Variants in SESTD1 observed in about 807,000 individuals in gnomAD.
SESTD1 encodes the protein SEC14 domain and spectrin repeat-containing protein 1.
In SESTD1, 43 loss-of-function variants were observed where a neutral mutation model predicts 101.7. The observed-to-expected ratio is 0.42, with a 90% confidence interval of 0.33 to 0.55. The LOEUF (loss-of-function observed/expected upper bound fraction) is 0.55. SESTD1 is among the 20% of genes least tolerant of loss of function. SESTD1 has a pLI of 0.07. For missense variants in SESTD1, 647 were observed against 815.1 expected (o/e 0.79, Z 2.51); for synonymous variants, 283 against 286.8 (o/e 0.99, Z 0.13).
intron 5 of SESTD1, among the ~76,000 whole-genome samples, chr2:179,159,685 G>A (rs944919279): frequency 6.6e-6 from 1 of 152,170 alleles, no homozygotes; most frequent in Admixed American, 6.5e-5. Context: ...ATACTGGTAG[G>A]GCTTCCTATA....
chr2:179,168,404 A>G (rs574549404), intron 5 of SESTD1, among the ~76,000 whole-genome samples: 2 of 152,352 alleles, frequency 1.3e-5, no homozygotes, highest in Non-Finnish European at 2.9e-5. Flanking sequence ...GTAGGCTATT[A>G]GCATTTAAGT....
chr2:179,195,636 T>C (rs1486827333), intron 1 of SESTD1, among the ~76,000 whole-genome samples: 1 of 152,236 alleles, frequency 6.6e-6, no homozygotes. Flanking sequence ...TTCTACAGTA[T>C]GTAAATTACC....
chr2:179,174,410 C>T (rs2045975175), intron 4 of SESTD1: 2 of 464,516 alleles, frequency 4.3e-6, no homozygotes, highest in Non-Finnish European at 8.9e-6. Context: ...TTCTTCAAAA[C>T]TGCCACTGAT....
At chr2:179,192,989 ACT>A (rs2046339914) in intron 1 of SESTD1, among the ~76,000 whole-genome samples, 2 of 152,050 alleles carry the variant, frequency 1.3e-5, no homozygotes, top group Admixed American at 1.3e-4. Context: ...AGAAAATATG[ACT>A]CTTTGTATGA....
intron 5 of SESTD1, among the ~76,000 whole-genome samples, chr2:179,156,485 C>T (rs1054164581): frequency 7.2e-5 from 11 of 152,088 alleles, no homozygotes; most frequent in Non-Finnish European, 2.9e-5. Flanking sequence ...ACGGCATTCA[C>T]GCCAACATCT....
At chr2:179,187,750 T>C (rs2046255368) in intron 2 of SESTD1, among the ~76,000 whole-genome samples, 1 of 151,782 alleles carries the variant, frequency 6.6e-6, no homozygotes, top group African/African-American at 2.4e-5. Flanking sequence ...ATTACACATA[T>C]ACAAAACAAA....
At chr2:179,112,936 AAAAG>A in intron 16 of SESTD1, 91 bp from the exon 17 acceptor site, 3 of 1,452,964 alleles carry the variant, frequency 2.1e-6, no homozygotes, top group Non-Finnish European at 2.7e-6. Context: ...AAAAAGAGAG[AAAAG>A]AAAGACACAG....
intron 1 of SESTD1, among the ~76,000 whole-genome samples, chr2:179,248,896 C>T (rs1471529320): frequency 7.4e-5 from 11 of 148,118 alleles, no homozygotes; most frequent in Non-Finnish European, 1.0e-4. Context: ...ACCTGGTCAA[C>T]GTAGGGAAAC....
At chr2:179,194,962 C>T (rs1255523921) in intron 1 of SESTD1, among the ~76,000 whole-genome samples, 4 of 152,210 alleles carry the variant, frequency 2.6e-5, no homozygotes, top group African/African-American at 4.8e-5. Context: ...TTGCTGGACA[C>T]AGCCTTCAAG....
intron 16 of SESTD1, among the ~76,000 whole-genome samples, chr2:179,114,605 A>G (rs2044586585): frequency 6.6e-6 from 1 of 151,962 alleles, no homozygotes; most frequent in Admixed American, 6.5e-5. Flanking sequence ...GAACACATAT[A>G]AAAAAGCATT....
chr2:179,263,158 T>C (rs756807036), intron 1 of SESTD1, among the ~76,000 whole-genome samples: 1 of 152,228 alleles, frequency 6.6e-6, no homozygotes, highest in Non-Finnish European at 1.5e-5. Flanking sequence ...AAATGCTTTC[T>C]AGGTCCTTGG....
intron 2 of SESTD1, among the ~76,000 whole-genome samples, chr2:179,183,842 G>A (rs2046161322): frequency 1.4e-5 from 2 of 145,746 alleles, no homozygotes; most frequent in African/African-American, 5.0e-5. Flanking sequence ...AGGAGAGAGA[G>A]AGAGAGAGAG....
At chr2:179,120,086 G>A (rs528527337) in intron 13 of SESTD1, among the ~76,000 whole-genome samples, 40 of 152,068 alleles carry the variant, frequency 2.6e-4, no homozygotes, top group African/African-American at 8.2e-4. Context: ...AAAATTAGCC[G>A]GGTGCAGTGG....
rs1278291532 is a variant in SESTD1, at chr2:179,112,761, A to G, written c.1924T>C (p.Leu642=). 8 of 1,613,216 alleles carry G rather than the reference A, an allele frequency of 5.0e-6. No homozygotes were observed. The highest frequency in any genetic ancestry group is 6.8e-6 in the Non-Finnish European group (8 of 1,179,968). Residue 642 remains leucine, a synonymous_variant, in exon 17 of 18, where the codon TTG becomes CTG. Transcript: ENST00000428443. ...ACTACTGGAACAGTTAATCTATCCA[A>G]AAGTGATTTCCCAACTGCTTCAATT... ...DEIEAVGKSL[L]DRLTVPVVYP...
intron 3 of SESTD1, among the ~76,000 whole-genome samples, chr2:179,179,499 A>G (rs1282343986): frequency 1.3e-5 from 2 of 152,208 alleles, no homozygotes; most frequent in East Asian, 1.9e-4. Flanking sequence ...TTTGATTACA[A>G]CTAAAGGCTC....
chr2:179,153,610 C>T (rs944705826), intron 5 of SESTD1, among the ~76,000 whole-genome samples: 3 of 152,102 alleles, frequency 2.0e-5, no homozygotes, highest in African/African-American at 7.2e-5. Context: ...AGCATCCAGA[C>T]TGTGATCTCT....
intron 5 of SESTD1, among the ~76,000 whole-genome samples, chr2:179,153,680 T>C (rs1008542931): frequency 1.3e-5 from 2 of 152,014 alleles, no homozygotes; most frequent in African/African-American, 2.4e-5. Flanking sequence ...GTCAAAAAAA[T>C]AATAATTTTA....
rs186289788 is a variant in SESTD1 at position 179,196,198 on chromosome 2, T to C, written c.-25-4332A>G. 3.7e-3 allele frequency among the ~76,000 whole-genome samples: 567 copies of C among 152,328 alleles called. 6 individuals are homozygous for C. Among genetic ancestry groups the C allele is most frequent in the African/African-American group, 0.013 (534 of 41,584 alleles). On this transcript the variant is annotated intron_variant, in intron 1 of 17. Coordinates refer to ENST00000428443, the MANE Select transcript of SESTD1 (RefSeq NM_178123.5). ...CCTAGTCAAAGAACGGGGTGACAGATGGCACCTGGAAAATTGGGTCACTCC... is the reference window on the plus strand; with the variant it reads ...CCTAGTCAAAGAACGGGGTGACAGACGGCACCTGGAAAATTGGGTCACTCC...
rs1456132672 is a variant in SESTD1 at position 179,102,631 on chromosome 2, C to G, written c.*7268G>C. 3 of 151,940 alleles carry G rather than the reference C, an allele frequency of 2.0e-5. No homozygotes were observed. The highest frequency in any genetic ancestry group is 2.9e-5 in the Non-Finnish European group (2 of 67,994). 9.4% of individuals were successfully genotyped at this position (151,940 alleles called of 1,614,324 possible). A position where few individuals can be genotyped will look rare whatever the true frequency, so the allele number is the denominator to read the frequency against. ...ATTTTAATAGGAAAAATCGAATAAA[C>G]CATACATATTTTTGAAAATGAGCAT... On this transcript the variant is annotated 3_prime_UTR_variant, in exon 18 of 18. Transcript: ENST00000428443.
Sources: allele counts gnomAD v4.1 joint callset (sites outside exome capture counted in the v4.1 genomes callset), GRCh38; gene constraint gnomAD v4.1.1; transcripts MANE v1.5; gene names NCBI Gene and HGNC (gene_info 2026-07-23, HGNC 2026-07-21).